PBX3: variants seen among roughly 807,000 people sequenced by gnomAD.
PBX3 encodes the protein PBX homeobox 3, also known as pre-B-cell leukemia transcription factor 3.
In PBX3, 14 loss-of-function variants were observed where a neutral mutation model predicts 48.5. The ratio of observed to expected loss-of-function variants is 0.29; its 90% CI spans 0.19 to 0.45. The LOEUF (loss-of-function observed/expected upper bound fraction) is 0.45, where lower values mean the gene tolerates loss of function less well. Ranked by LOEUF, PBX3 falls within the 20% of genes least tolerant of loss-of-function variation. The pLI is 1.00. For missense variants in PBX3, 386 were observed against 546.7 expected, an observed-to-expected ratio of 0.71 and a Z score of 2.93; for synonymous variants, 210 against 200.3, an observed-to-expected ratio of 1.05 and a Z score of -0.41.
intron 2 of PBX3, among the ~76,000 whole-genome samples, chr9:125,782,389 G>A (rs1295960055): frequency 6.6e-6 from 1 of 152,118 alleles, no homozygotes; most frequent in Non-Finnish European, 1.5e-5. Flanking sequence ...GATTTGGGTA[G>A]GGACACAGCC....
chr9:125,892,024 A>G (rs939347450), intron 2 of PBX3, among the ~76,000 whole-genome samples: 4 of 152,160 alleles, frequency 2.6e-5, no homozygotes, highest in Non-Finnish European at 5.9e-5. Flanking sequence ...GATTCAAGCA[A>G]TTCTCCTGCC....
intron 2 of PBX3, among the ~76,000 whole-genome samples, chr9:125,904,670 G>A (rs915392038): frequency 6.6e-6 from 1 of 151,898 alleles, no homozygotes; most frequent in African/African-American, 2.4e-5. Context: ...TCCCATCAAA[G>A]AGAGGAATAT....
At chr9:125,811,503 C>G (rs1434490920) in intron 2 of PBX3, among the ~76,000 whole-genome samples, 1 of 152,172 alleles carries the variant, frequency 6.6e-6, no homozygotes, top group African/African-American at 2.4e-5. Flanking sequence ...GAGTTTCCCC[C>G]TTTGCTTGGC....
chr9:125,748,231 G>C, intron 1 of PBX3: 1 of 1,028,250 alleles, frequency 9.7e-7, no homozygotes, highest in Non-Finnish European at 1.2e-6. Flanking sequence ...GAGCCCCTCC[G>C]CACCCGTCCC....
chr9:125,843,059 TG>T (rs149825858), intron 2 of PBX3, among the ~76,000 whole-genome samples: 5,392 of 152,164 alleles, frequency 0.035, 330 homozygotes, highest in African/African-American at 0.12. Flanking sequence ...TTGACTTACT[TG>T]GTTTCCTGAT....
At chr9:125,811,470 A>C (rs756972320) in intron 2 of PBX3, among the ~76,000 whole-genome samples, 1 of 152,118 alleles carries the variant, frequency 6.6e-6, no homozygotes, top group African/African-American at 2.4e-5. Context: ...ATGGGTTCTC[A>C]TGAGATCCGA....
chr9:125,798,723 C>A (rs1837854931), intron 2 of PBX3, among the ~76,000 whole-genome samples: 1 of 152,018 alleles, frequency 6.6e-6, no homozygotes, highest in African/African-American at 2.4e-5. Context: ...CCTGGTAACA[C>A]ATATATATGA....
chr9:125,918,223 C>T (rs762945999), intron 3 of PBX3, among the ~76,000 whole-genome samples: 18 of 152,176 alleles, frequency 1.2e-4, no homozygotes, highest in Admixed American at 2.0e-4. Context: ...CTTACTTTCT[C>T]CATACACTCT....
intron 8 of PBX3, among the ~76,000 whole-genome samples, chr9:125,965,246 TAGG>T (rs1414576511): frequency 6.6e-6 from 1 of 152,202 alleles, no homozygotes; most frequent in Non-Finnish European, 1.5e-5. Context: ...ACATCCCAAA[TAGG>T]AGCCTCAGCC....
At chr9:125,942,945 C>T (rs1370447150) in intron 5 of PBX3, among the ~76,000 whole-genome samples, 1 of 152,174 alleles carries the variant, frequency 6.6e-6, no homozygotes, top group East Asian at 1.9e-4. Flanking sequence ...TACAAACAAT[C>T]AGTACCATGA....
intron 2 of PBX3, among the ~76,000 whole-genome samples, chr9:125,853,848 C>A (rs1174082927): frequency 6.6e-6 from 1 of 151,826 alleles, no homozygotes; most frequent in Admixed American, 6.6e-5. Context: ...AAAATAAAAC[C>A]CAAGTAAAAA....
chr9:125,853,155 C>T (rs1839628745), intron 2 of PBX3, among the ~76,000 whole-genome samples: 1 of 152,054 alleles, frequency 6.6e-6, no homozygotes, highest in Non-Finnish European at 1.5e-5. Context: ...CATCTTTTTC[C>T]ACACCTCAGA....
At chr9:125,899,657 C>T (rs556417685) in intron 2 of PBX3, among the ~76,000 whole-genome samples, 4 of 151,456 alleles carry the variant, frequency 2.6e-5, no homozygotes, top group African/African-American at 9.7e-5. Context: ...GACTCTCCTT[C>T]ACTCTGCGGT....
chr9:125,763,004 G>A (rs774421140), intron 2 of PBX3, among the ~76,000 whole-genome samples: 2 of 152,126 alleles, frequency 1.3e-5, no homozygotes, highest in Non-Finnish European at 2.9e-5. Flanking sequence ...TACAATGTTG[G>A]TAATAAGCCT....
At chr9:125,857,921 A>G (rs1220125122) in intron 2 of PBX3, among the ~76,000 whole-genome samples, 1 of 152,244 alleles carries the variant, frequency 6.6e-6, no homozygotes, top group Non-Finnish European at 1.5e-5. Flanking sequence ...TTATGAGCAT[A>G]AGAAGTGCAT....
intron 4 of PBX3, among the ~76,000 whole-genome samples, chr9:125,934,309 T>C (rs1841786743): frequency 1.3e-5 from 2 of 152,212 alleles, no homozygotes; most frequent in Non-Finnish European, 2.9e-5. Flanking sequence ...AGTGCATACC[T>C]ATACAACAGC....
intron 2 of PBX3, among the ~76,000 whole-genome samples, chr9:125,836,429 A>G (rs545221217): frequency 6.6e-6 from 1 of 152,204 alleles, no homozygotes; most frequent in South Asian, 2.1e-4. Context: ...TGGGCGACAG[A>G]GCGAGACTCT....
intron 5 of PBX3, among the ~76,000 whole-genome samples, chr9:125,941,362 T>C (rs1841955183): frequency 6.6e-6 from 1 of 152,198 alleles, no homozygotes; most frequent in Non-Finnish European, 1.5e-5. Context: ...TGACTTGGGC[T>C]TTCACTGTGA....
intron 2 of PBX3, among the ~76,000 whole-genome samples, chr9:125,761,603 TTAATAA>T (rs544824012): frequency 5.3e-5 from 8 of 152,000 alleles, no homozygotes; most frequent in African/African-American, 1.9e-4. Context: ...CTCATCTCAG[TTAATAA>T]TAATAATAAT....
Sources: allele counts gnomAD v4.1 joint callset (sites outside exome capture counted in the v4.1 genomes callset), GRCh38; gene constraint gnomAD v4.1.1; transcripts MANE v1.5; gene names NCBI Gene and HGNC (gene_info 2026-07-23, HGNC 2026-07-21).